The following WDR43 variants were observed in gnomAD, a reference collection of about 807,000 sequenced individuals.
WDR43 encodes the protein WD repeat domain 43.
Under a neutral mutation model 91.4 loss-of-function variants are expected in WDR43, and 13 were observed. The observed-to-expected ratio is 0.14, with a 90% CI of 0.09 to 0.23. The LOEUF (loss-of-function observed/expected upper bound fraction) is 0.23, where lower values mean the gene tolerates loss of function less well. Among genes scored for constraint, WDR43 ranks in the 10% least tolerant of loss-of-function variants. The pLI is 1.00. For synonymous variants in WDR43, 331 were observed against 287.9 expected (o/e 1.15, Z -1.51); for missense variants, 780 against 809.4 (o/e 0.96, Z 0.44).
chr2:28,901,461 G>T (rs768054606), intron 1 of WDR43, among the ~76,000 whole-genome samples: 1 of 152,204 alleles, frequency 6.6e-6, no homozygotes, highest in Non-Finnish European at 1.5e-5. Context: ...AAAGCTATTT[G>T]TTGACTCAAA....
intron 16 of WDR43, among the ~76,000 whole-genome samples, chr2:28,946,082 T>A (rs1220392124): frequency 1.3e-5 from 2 of 152,166 alleles, no homozygotes; most frequent in Admixed American, 1.3e-4. Flanking sequence ...ATGCCTATAA[T>A]CCCAGCACTT....
chr2:28,926,620 C>A, intron 9 of WDR43, 66 bp downstream of exon 9: 1 of 1,347,284 alleles, frequency 7.4e-7, no homozygotes, highest in Non-Finnish European at 1.0e-6. Context: ...GGAACTGTTA[C>A]TTAGTATTAT....
chr2:28,928,662 GTGTT>G (rs537003158), intron 10 of WDR43, among the ~76,000 whole-genome samples: 1 of 152,182 alleles, frequency 6.6e-6, no homozygotes, highest in African/African-American at 2.4e-5. Flanking sequence ...ACAATTGAGG[GTGTT>G]TGTTGTTGTT....
intron 16 of WDR43, among the ~76,000 whole-genome samples, chr2:28,943,033 A>G (rs1452223024): frequency 1.3e-5 from 2 of 152,234 alleles, no homozygotes; most frequent in Non-Finnish European, 2.9e-5. Context: ...AGAAATAAAA[A>G]GTTTGAAAAA....
chr2:28,930,902 C>G (rs1671226483), intron 11 of WDR43, among the ~76,000 whole-genome samples: 1 of 152,164 alleles, frequency 6.6e-6, no homozygotes, highest in Admixed American at 6.5e-5. Flanking sequence ...TGAAGCAAAT[C>G]TCAGATGATC....
intron 8 of WDR43, 52 bp from the exon 9 acceptor site, chr2:28,926,416 C>CT (rs144139892): frequency 0.016 from 18,708 of 1,179,334 alleles, 9 homozygotes; most frequent in African/African-American, 0.021. Flanking sequence ...GTTTGACACT[C>CT]TTTTTTTTTT....
chr2:28,920,744 T>A (rs542696951), intron 6 of WDR43, among the ~76,000 whole-genome samples: 1 of 152,258 alleles, frequency 6.6e-6, no homozygotes, highest in Non-Finnish European at 1.5e-5. Flanking sequence ...TGGTGTGATC[T>A]CAGCTCACTG....
chr2:28,932,023 G>T (rs573448501), intron 11 of WDR43, among the ~76,000 whole-genome samples: 1 of 151,876 alleles, frequency 6.6e-6, no homozygotes, highest in Admixed American at 6.6e-5. Flanking sequence ...CTGCAGGCAC[G>T]CATCACCATA....
chr2:28,902,221 C>A, intron 2 of WDR43, 97 bp downstream of exon 2: 1 of 1,341,506 alleles, frequency 7.5e-7, no homozygotes, highest in Non-Finnish European at 1.0e-6. Flanking sequence ...GTGATGGGAT[C>A]TGTGCAGTAG....
chr2:28,903,469 A>G lies in WDR43; in HGVS notation c.363+1345A>G, dbSNP rs149074758. ...CTGAATAGCCCAACAAAACAGCAAC[A>G]ACGACAACAAAGAAACAGCTAATTT... On this transcript the variant is annotated intron_variant, in intron 2 of 17. Coordinates refer to ENST00000407426, the MANE Select transcript of WDR43 (RefSeq NM_015131.3). Among the ~76,000 whole-genome samples, 188 of 152,342 alleles carry G rather than the reference A, an allele frequency of 1.2e-3. 1 individual carries two copies. The highest frequency in any genetic ancestry group is 4.3e-3 in the African/African-American group (177 of 41,584).
chr2:28,924,948 A>C (rs779949865), intron 7 of WDR43, 34 bp from the exon 8 acceptor site: 6 of 1,583,274 alleles, frequency 3.8e-6, no homozygotes, highest in South Asian at 3.5e-5. Context: ...CGTTTTTTCA[A>C]ATTCTTTAAT....
intron 3 of WDR43, among the ~76,000 whole-genome samples, chr2:28,908,442 A>G (rs1670726286): frequency 1.3e-5 from 2 of 152,156 alleles, no homozygotes; most frequent in African/African-American, 4.8e-5. Flanking sequence ...CCTGTTAGAA[A>G]TGCCTGCAGA....
intron 5 of WDR43, among the ~76,000 whole-genome samples, 177 bp downstream of exon 5, chr2:28,914,385 G>C (rs1670868254): frequency 6.6e-6 from 1 of 152,180 alleles, no homozygotes; most frequent in South Asian, 2.1e-4. Flanking sequence ...AAAAAATTAA[G>C]TGCATTATGT....
At chr2:28,923,360 C>G (rs1039991852) in intron 7 of WDR43, among the ~76,000 whole-genome samples, 1 of 152,134 alleles carries the variant, frequency 6.6e-6, no homozygotes, top group Non-Finnish European at 1.5e-5. Context: ...GTATTGTTGT[C>G]AGGTTGTGTA....
rs114548065 is a variant in WDR43, at chr2:28,921,512, T to A, written c.850-1407T>A. On this transcript the variant is annotated intron_variant, in intron 6 of 17. Transcript: ENST00000407426. ...TCTGGCACTTCATGTAAGATTGTAGTTAACAGCAGTAAGTTAGAATTAAAA... is the reference window on the plus strand; with the variant it reads ...TCTGGCACTTCATGTAAGATTGTAGATAACAGCAGTAAGTTAGAATTAAAA... Among the ~76,000 whole-genome samples the A allele has an allele frequency of 6.1e-3, 925 of 152,338 alleles. 10 individuals carry two copies. The highest frequency in any genetic ancestry group is 0.021 in the African/African-American group (862 of 41,568).
chr2:28,905,067 A>G (rs1670652082), intron 2 of WDR43: 1 of 152,184 alleles, frequency 6.6e-6, no homozygotes, highest in Non-Finnish European at 1.5e-5. Flanking sequence ...ATTTGGATAG[A>G]GGAGGGTGGA....
At chr2:28,900,326 G>A (rs1200400969) in intron 1 of WDR43, among the ~76,000 whole-genome samples, 1 of 151,936 alleles carries the variant, frequency 6.6e-6, no homozygotes, top group Non-Finnish European at 1.5e-5. Flanking sequence ...GATTACTAGC[G>A]CCCACCACCA....
At chr2:28,937,434 G>C (rs570503861) in intron 13 of WDR43, among the ~76,000 whole-genome samples, 1 of 150,778 alleles carries the variant, frequency 6.6e-6, no homozygotes, top group Admixed American at 6.6e-5. Flanking sequence ...TTTTTTTCTC[G>C]TGGGGTGCAT....
intron 6 of WDR43, among the ~76,000 whole-genome samples, chr2:28,920,753 T>A (rs1325172313): frequency 1.3e-5 from 2 of 152,118 alleles, no homozygotes; most frequent in Admixed American, 1.3e-4. Context: ...CTCAGCTCAC[T>A]GCAAACTCTG....
Sources: gnomAD v4.1 joint callset for allele counts (sites outside exome capture counted in the v4.1 genomes callset) on GRCh38, gnomAD v4.1.1 for gene constraint, MANE v1.5 for transcripts, NCBI Gene and HGNC (gene_info 2026-07-23, HGNC 2026-07-21) for gene names.